The following SVOP variants were observed in gnomAD, a reference collection of about 807,000 sequenced individuals.
SVOP encodes the protein SV2 related protein.
Under a neutral mutation model 69.1 loss-of-function variants are expected in SVOP, and 17 were observed. The observed-to-expected ratio is 0.25, with a 90% confidence interval of 0.17 to 0.37. The LOEUF (loss-of-function observed/expected upper bound fraction) is 0.37, where lower values mean the gene tolerates loss of function less well. Among genes scored for constraint, SVOP ranks in the 10% least tolerant of loss-of-function variants. The pLI is 1.00. For synonymous variants in SVOP, 238 were observed against 238.6 expected (o/e 1.00, Z 0.02); for missense variants, 435 against 597.5 (o/e 0.73, Z 2.84).
chr12:108,929,056 C>T (rs896702799), intron 11 of SVOP, among the ~76,000 whole-genome samples: 4 of 152,194 alleles, frequency 2.6e-5, no homozygotes, highest in Non-Finnish European at 5.9e-5. Context: ...TATTTCTCTA[C>T]GACTCTCCAC....
In SVOP at chr12:108,912,510, G is replaced by A. The variant is rs2039690379; in HGVS notation, c.*25C>T. 6.2e-7 allele frequency: 1 copy of A among 1,613,400 alleles called. No homozygotes were observed. The highest frequency in any genetic ancestry group is 8.5e-7 in the Non-Finnish European group (1 of 1,179,416). ...GCCCCCCAAGCTCTGCAGCCTCAAA[G>A]ACCAGCTCAGTCCCCCATCGGTCAC... On this transcript the variant is annotated 3_prime_UTR_variant, in exon 16 of 16. Transcript: ENST00000610966.
intron 1 of SVOP, among the ~76,000 whole-genome samples, chr12:109,010,808 G>A (rs1478290374): frequency 1.3e-5 from 2 of 152,068 alleles, no homozygotes. Context: ...GGCCCAAACT[G>A]TTCCCCTTAA....
In SVOP at chr12:108,948,105, T is replaced by A. The variant is rs573492229; in HGVS notation, c.579-2939A>T. The stretch of plus-strand genomic sequence containing the variant: ...GGCATGTACGTGTATAAAAGGCCCA[T>A]CCCCTGGCATTGGGGGAGGGGTGGG... On this transcript the variant is annotated intron_variant, in intron 6 of 15. Transcript: ENST00000610966. Among the ~76,000 whole-genome samples, 8 of 152,174 alleles carry A rather than the reference T, an allele frequency of 5.3e-5. No homozygotes were observed. In the South Asian group the frequency reaches 1.7e-3, roughly 32 times the overall value.
At chr12:108,975,387 C>G (rs1456152583) in intron 4 of SVOP, among the ~76,000 whole-genome samples, 1 of 152,204 alleles carries the variant, frequency 6.6e-6, no homozygotes, top group Non-Finnish European at 1.5e-5. Flanking sequence ...GCCCACAAGT[C>G]TAAACCTCAT....
At chr12:108,941,971 T>C (rs975091894) in intron 7 of SVOP, among the ~76,000 whole-genome samples, 9 of 152,124 alleles carry the variant, frequency 5.9e-5, no homozygotes, top group African/African-American at 1.9e-4. Flanking sequence ...GGCAAGAAAT[T>C]CTGTACCATT....
At chr12:108,976,965 A>G (rs2040109907) in intron 4 of SVOP, among the ~76,000 whole-genome samples, 1 of 152,174 alleles carries the variant, frequency 6.6e-6, no homozygotes, top group South Asian at 2.1e-4. Flanking sequence ...ACAAAAAGTG[A>G]GGGTTCTGCA....
chr12:108,912,262 C>T lies in SVOP; in HGVS notation c.*273G>A. 1 of 1,339,834 alleles carries T rather than the reference C, an allele frequency of 7.5e-7. No homozygotes were observed. The highest frequency in any genetic ancestry group is 9.6e-7 in the Non-Finnish European group (1 of 1,044,124). 83.0% of individuals were successfully genotyped at this position (1,339,834 alleles called of 1,614,324 possible). A position where few individuals can be genotyped will look rare whatever the true frequency, so the allele number is the denominator to read the frequency against. ...TTGGTTGCTGGCATTACCAGACCCT[C>T]CTAATATGGGTAGTCTTCCCATGTA... On this transcript the variant is annotated 3_prime_UTR_variant, in exon 16 of 16. Transcript: ENST00000610966.
intron 2 of SVOP, among the ~76,000 whole-genome samples, chr12:108,982,462 T>G (rs1161926574): frequency 8.5e-6 from 1 of 118,260 alleles, no homozygotes; most frequent in Non-Finnish European, 1.8e-5. Context: ...TAATCATCAC[T>G]ATCAACATCA....
rs889511884 is a variant in SVOP, at chr12:108,960,976, C to T, written c.525G>A (p.Trp175Ter). 1 of 1,537,130 alleles carries T rather than the reference C, an allele frequency of 6.5e-7. No individual in the cohort carries two copies. Among genetic ancestry groups the T allele is most frequent in the Non-Finnish European group, 8.7e-7 (1 of 1,146,848 alleles). ...CCACCAGGCCCCGGAGCACCAGGAT[C>T]CAGCTATACACGGGCGCAAATGCAC... ...ILSAFAPVYS[W>*]ILVLRGLVGF... Residue 175 changes from tryptophan (W) to a stop codon, truncating the protein, a stop_gained, in exon 6 of 16, where the codon TGG becomes TGA. Coordinates refer to ENST00000610966, the MANE Select transcript of SVOP (RefSeq NM_018711.5). LOFTEE classifies it high-confidence loss of function.
intron 9 of SVOP, among the ~76,000 whole-genome samples, chr12:108,937,590 T>C (rs1048709727): frequency 1.3e-5 from 2 of 152,072 alleles, no homozygotes; most frequent in Non-Finnish European, 2.9e-5. Flanking sequence ...AACCTGGACT[T>C]GGGAAGCAGA....
intron 1 of SVOP, among the ~76,000 whole-genome samples, chr12:109,004,926 C>T (rs964434225): frequency 2.0e-5 from 3 of 151,822 alleles, no homozygotes; most frequent in Non-Finnish European, 1.5e-5. Flanking sequence ...TTAGTAGAGA[C>T]GAGGTTTCAC....
In SVOP at chr12:108,977,213, C is replaced by G. The variant is rs551719259; in HGVS notation, c.381+185G>C. Among the ~76,000 whole-genome samples the G allele has an allele frequency of 3.1e-3, 468 of 152,320 alleles. 1 individual carries two copies. The highest frequency in any genetic ancestry group is 5.1e-3 in the Non-Finnish European group (348 of 68,034). On this transcript the variant is annotated intron_variant, in intron 4 of 15. Coordinates refer to ENST00000610966, the MANE Select transcript of SVOP (RefSeq NM_018711.5). The stretch of plus-strand genomic sequence containing the variant: ...GGGACACCCTCCCAAGTAGCTGGAC[C>G]TCCGGGTGAAGTAGAGTTGGCTGTA...
intron 15 of SVOP, among the ~76,000 whole-genome samples, chr12:108,913,486 T>C (rs887910192): frequency 6.6e-6 from 1 of 152,208 alleles, no homozygotes; most frequent in Non-Finnish European, 1.5e-5. Context: ...AAGTGGTTCC[T>C]ACCCAAGTTC....
intron 3 of SVOP, 84 bp downstream of exon 3, chr12:108,978,494 T>C: frequency 1.5e-6 from 1 of 662,038 alleles, no homozygotes; most frequent in Non-Finnish European, 2.7e-6. Context: ...AAGAACTGTG[T>C]CCTTCCTTGT....
At chr12:108,971,387 C>T (rs533422158) in intron 5 of SVOP, among the ~76,000 whole-genome samples, 2 of 149,018 alleles carry the variant, frequency 1.3e-5, no homozygotes, top group Non-Finnish European at 2.9e-5. Flanking sequence ...CAAGATCGTG[C>T]GATTGCACTC....
At chr12:108,959,383 T>TC (rs1172214510) in intron 6 of SVOP, among the ~76,000 whole-genome samples, 1 of 139,328 alleles carries the variant, frequency 7.2e-6, no homozygotes, top group Non-Finnish European at 1.5e-5. Flanking sequence ...AGTCAGAGTC[T>TC]CACTCTGTCA....
intron 1 of SVOP, among the ~76,000 whole-genome samples, chr12:108,999,170 T>G (rs1217102230): frequency 4.1e-4 from 46 of 112,416 alleles, no homozygotes; most frequent in African/African-American, 1.4e-3. Context: ...TCCTAGTCTC[T>G]GATAAAACAG....
chr12:108,928,617 A>C (rs2039796516), intron 11 of SVOP, among the ~76,000 whole-genome samples: 1 of 149,586 alleles, frequency 6.7e-6, no homozygotes, highest in South Asian at 2.1e-4. Flanking sequence ...CCCAGGCTGG[A>C]ATGCAGTGGT....
intron 2 of SVOP, among the ~76,000 whole-genome samples, chr12:108,982,961 C>A (rs2040148838): frequency 6.7e-6 from 1 of 149,418 alleles, no homozygotes; most frequent in African/African-American, 2.5e-5. Flanking sequence ...TGATCACCAT[C>A]ATCATCATCA....
Sources: allele counts gnomAD v4.1 joint callset (sites outside exome capture counted in the v4.1 genomes callset), GRCh38; gene constraint gnomAD v4.1.1; transcripts MANE v1.5; gene names NCBI Gene and HGNC (gene_info 2026-07-23, HGNC 2026-07-21).